RPH3A: variants seen among roughly 807,000 people sequenced by gnomAD.
RPH3A encodes rabphilin-3A.
In RPH3A, 48 loss-of-function variants were observed where a neutral mutation model predicts 102.2. The observed-to-expected ratio is 0.47, with a 90% confidence interval of 0.37 to 0.60. The LOEUF (loss-of-function observed/expected upper bound fraction) is 0.60. Ranked by LOEUF, RPH3A falls within the 20% of genes least tolerant of loss-of-function variation. The pLI is 0.00. For synonymous variants in RPH3A, 310 were observed against 324.3 expected (o/e 0.96, Z 0.47); for missense variants, 781 against 910.1 (o/e 0.86, Z 1.83).
rs1039624561 is a variant in RPH3A, at chr12:112,633,030, A to C, written c.-140+57711A>C. 9.0e-4 allele frequency among the ~76,000 whole-genome samples: 129 copies of C among 143,428 alleles called. 2 individuals are homozygous for C. Among genetic ancestry groups the C allele is most frequent in the Admixed American group, 6.3e-4 (9 of 14,360 alleles). 94.1% of individuals were successfully genotyped at this position (143,428 alleles called of 152,430 possible). On this transcript the variant is annotated intron_variant, in intron 1 of 21. Coordinates refer to the RPH3A transcript ENST00000543106. ...AAACATAGTGAGACCCTGTCTCTCT[A>C]AAAAAAAAAAAGTTAGCTGGGTGTG... is the stretch of plus-strand genomic sequence containing the variant.
At chr12:112,873,684 G>T (rs1480273918) in intron 10 of RPH3A, among the ~76,000 whole-genome samples, 1 of 152,184 alleles carries the variant, frequency 6.6e-6, no homozygotes, top group Non-Finnish European at 1.5e-5. Flanking sequence ...GTGACCTTGG[G>T]CATATTTAAC....
chr12:112,833,317 C>T (rs2041998546), intron 3 of RPH3A, among the ~76,000 whole-genome samples: 1 of 152,194 alleles, frequency 6.6e-6, no homozygotes. Context: ...AATCAGCCTC[C>T]ATGGGGCTCT....
chr12:112,660,549 G>T (rs2136002706), intron 1 of RPH3A, among the ~76,000 whole-genome samples: 1 of 152,206 alleles, frequency 6.6e-6, no homozygotes, highest in East Asian at 1.9e-4. Context: ...GTTGGGTGTG[G>T]TGGTTCACCT....
rs767917659 is a variant in RPH3A, at chr12:112,829,834, A to G, written c.71+1445A>G. On this transcript the variant is annotated intron_variant, in intron 3 of 21. Transcript: ENST00000389385. Reference sequence around the variant, plus strand: ...GACAAATAATTAAAAAAAAGTTACTACATTCTAGCTATAAACTGTAGCCTC... The same window carrying G: ...GACAAATAATTAAAAAAAAGTTACTGCATTCTAGCTATAAACTGTAGCCTC... Among the ~76,000 whole-genome samples the G allele has an allele frequency of 6.5e-4, 99 of 152,338 alleles. 1 individual carries two copies. Among genetic ancestry groups the G allele is most frequent in the South Asian group, 1.7e-3 (8 of 4,826 alleles).
intron 1 of RPH3A, among the ~76,000 whole-genome samples, chr12:112,700,171 G>A (rs1941571734): frequency 6.6e-6 from 1 of 151,878 alleles, no homozygotes; most frequent in Non-Finnish European, 1.5e-5. Flanking sequence ...TCGGGTTCAA[G>A]CGATTCTCCT....
chr12:112,659,182 C>T (rs2040033573), intron 1 of RPH3A, among the ~76,000 whole-genome samples: 2 of 152,162 alleles, frequency 1.3e-5, no homozygotes, highest in Admixed American at 1.3e-4. Context: ...TCCTGCTTAG[C>T]CACATTACAA....
chr12:112,894,871 G>C (rs1175820159), intron 20 of RPH3A, among the ~76,000 whole-genome samples: 1 of 152,082 alleles, frequency 6.6e-6, no homozygotes, highest in Non-Finnish European at 1.5e-5. Flanking sequence ...TGACAATACT[G>C]TATGTTCAGC....
At chr12:112,825,193 G>C (rs908771821) in intron 2 of RPH3A, among the ~76,000 whole-genome samples, 1 of 152,110 alleles carries the variant, frequency 6.6e-6, no homozygotes, top group Non-Finnish European at 1.5e-5. Flanking sequence ...AACAGGAGCT[G>C]TCTCTCCTTT....
rs141055296 is a variant in RPH3A, at chr12:112,693,439, A to C, written c.-139-98704A>C. Among the ~76,000 whole-genome samples the C allele has an allele frequency of 3.3e-3, 503 of 152,158 alleles. 3 individuals are homozygous for C. Among genetic ancestry groups the C allele is most frequent in the African/African-American group, 0.012 (484 of 41,510 alleles). ...GAACCTTTCTGATGCCATTACTTAC[A>C]TTTTCATCCAACATCTCATCCTTGC... is the stretch of plus-strand genomic sequence containing the variant. On this transcript the variant is annotated intron_variant, in intron 1 of 21. Coordinates refer to the RPH3A transcript ENST00000543106.
chr12:112,698,855 TCCTTCCCCTTCCCCTTCC>T (rs575847434), intron 1 of RPH3A, among the ~76,000 whole-genome samples: 2 of 149,218 alleles, frequency 1.3e-5, no homozygotes, highest in Non-Finnish European at 3.0e-5. Context: ...CTTCTCCTTC[TCCTTCCCCTTCCCCTTCC>T]CCTTCCCCTT....
intron 1 of RPH3A, among the ~76,000 whole-genome samples, chr12:112,644,311 G>A (rs925994160): frequency 2.0e-5 from 3 of 152,170 alleles, no homozygotes; most frequent in African/African-American, 7.2e-5. Flanking sequence ...GAAAGATATT[G>A]TTCAGATTGA....
chr12:112,881,303 A>G (rs2042905055), intron 14 of RPH3A, among the ~76,000 whole-genome samples: 1 of 152,196 alleles, frequency 6.6e-6, no homozygotes, highest in Non-Finnish European at 1.5e-5. Context: ...AAGTCTTAGA[A>G]GAGAATGCAG....
intron 1 of RPH3A, among the ~76,000 whole-genome samples, chr12:112,605,350 G>A (rs910452439): frequency 6.6e-6 from 1 of 152,226 alleles, no homozygotes; most frequent in South Asian, 2.1e-4. Context: ...ATTCCATCCT[G>A]GTTGGCAGAG....
chr12:112,712,215 G>A (rs1224795982), intron 1 of RPH3A, among the ~76,000 whole-genome samples: 4 of 152,044 alleles, frequency 2.6e-5, no homozygotes, highest in Non-Finnish European at 5.9e-5. Flanking sequence ...ACACACACAC[G>A]CATGCACGCA....
intron 1 of RPH3A, among the ~76,000 whole-genome samples, chr12:112,737,154 C>CAAAAAAAAAAAAAAAAA (rs57703782): frequency 8.5e-6 from 1 of 117,352 alleles, no homozygotes; most frequent in African/African-American, 3.2e-5. Flanking sequence ...GACCCTGTCT[C>CAAAAAAAAAAAAAAAAA]AAAAAAAAAA....
chr12:112,644,014 G>A (rs2039909000), intron 1 of RPH3A, among the ~76,000 whole-genome samples: 1 of 152,182 alleles, frequency 6.6e-6, no homozygotes, highest in Admixed American at 6.5e-5. Flanking sequence ...TGGAACTGGA[G>A]GCCATTATCT....
intron 1 of RPH3A, among the ~76,000 whole-genome samples, chr12:112,654,294 C>T (rs2039995719): frequency 6.6e-6 from 1 of 152,198 alleles, no homozygotes; most frequent in South Asian, 2.1e-4. Context: ...TTATTGCTTT[C>T]AAACTCTTTA....
rs2039931218 is a variant in RPH3A, at chr12:112,646,448, C to A, written c.-140+71129C>A. Among the ~76,000 whole-genome samples, 4 of 152,164 alleles carry A rather than the reference C, an allele frequency of 2.6e-5. No homozygotes were observed. In the South Asian group the frequency reaches 8.3e-4, roughly 32 times the overall value. On this transcript the variant is annotated intron_variant, in intron 1 of 21. Coordinates refer to the RPH3A transcript ENST00000543106. ...TTTTTAAGAGCAAAAATACCTTTCT[C>A]TAAAAACCCTGGCAGACGTCCACTC...
intron 1 of RPH3A, among the ~76,000 whole-genome samples, chr12:112,773,395 C>T (rs2040941656): frequency 6.6e-6 from 1 of 152,044 alleles, no homozygotes; most frequent in Non-Finnish European, 1.5e-5. Context: ...GGCCTGACCC[C>T]AGCTTTGAAA....
Sources: gnomAD v4.1 joint callset for allele counts (sites outside exome capture counted in the v4.1 genomes callset) on GRCh38, gnomAD v4.1.1 for gene constraint, MANE v1.5 for transcripts, NCBI Gene and HGNC (gene_info 2026-07-23, HGNC 2026-07-21) for gene names.